Variants in CHUK observed in about 807,000 individuals in gnomAD.
CHUK encodes component of inhibitor of nuclear factor kappa B kinase complex.
In CHUK, 35 loss-of-function variants were observed where a neutral mutation model predicts 104.8. The ratio of observed to expected loss-of-function variants is 0.33; its 90% CI spans 0.26 to 0.44. CHUK has a LOEUF of 0.44. Ranked by LOEUF, CHUK falls within the 20% of genes least tolerant of loss-of-function variation. The pLI is 1.00. For missense variants in CHUK, 663 were observed against 902.7 expected (o/e 0.73, Z 3.40); for synonymous variants, 276 against 291.9 (o/e 0.95, Z 0.56).
Position 100,193,435 on chromosome 10 carries a change from A to G in CHUK, c.1975-4T>C, listed in dbSNP as rs200249894. 2.1e-5 allele frequency: 34 copies of G among 1,613,956 alleles called. No individual in the cohort carries two copies. Among genetic ancestry groups the G allele is most frequent in the Non-Finnish European group, 2.9e-5 (34 of 1,179,964 alleles). On this transcript the variant is annotated splice_region_variant and splice_polypyrimidine_tract_variant and intron_variant, in intron 18 of 20. Coordinates refer to ENST00000370397, the MANE Select transcript of CHUK (RefSeq NM_001278.5). ...GGGACCGGGCAGAACTCTGTGTCTGAAGGAAAAGAAAAAAACATCAAAAGA... is the reference window on the plus strand; with the variant it reads ...GGGACCGGGCAGAACTCTGTGTCTGGAGGAAAAGAAAAAAACATCAAAAGA...
intron 9 of CHUK, among the ~76,000 whole-genome samples, chr10:100,210,085 TTATTTA>T (rs1445132169): frequency 7.8e-5 from 10 of 128,604 alleles, no homozygotes; most frequent in African/African-American, 3.1e-4. Flanking sequence ...ATTTATTTAT[TTATTTA>T]TTTTTTTTTT....
intron 1 of CHUK, among the ~76,000 whole-genome samples, chr10:100,228,993 GCACACACACACA>G (rs59218517): frequency 1.9e-4 from 25 of 133,554 alleles, no homozygotes; most frequent in South Asian, 4.9e-4. Flanking sequence ...GCGCGCGCGC[GCACACACACACA>G]CACACACACA....
At chr10:100,226,057 T>G (rs1846098771) in intron 1 of CHUK, 40 bp from the exon 2 acceptor site, 2 of 1,196,584 alleles carry the variant, frequency 1.7e-6, no homozygotes, top group South Asian at 1.2e-5. Flanking sequence ...AAAATTAGGT[T>G]CTTGTGAAGA....
chr10:100,196,260 T>C (rs983828362), intron 16 of CHUK, among the ~76,000 whole-genome samples: 5 of 152,196 alleles, frequency 3.3e-5, no homozygotes, highest in African/African-American at 1.2e-4. Flanking sequence ...ATCCTAACCT[T>C]GGATTAATCC....
chr10:100,198,039 C>T (rs1845377603), intron 16 of CHUK, among the ~76,000 whole-genome samples: 1 of 152,136 alleles, frequency 6.6e-6, no homozygotes, highest in Admixed American at 6.5e-5. Context: ...ATTCTTTTTG[C>T]TTGAAACATG....
At position 100,190,904 on chromosome 10, in the gene CHUK, G is replaced by T; in HGVS notation, c.2173C>A (p.His725Asn). ...TTGCCCTGTTCCTCATTTGCCTCAT[G>T]AATAATAGTGCTTAAATGGCCAAGG... ...NCLGHLSTII[H>N]EANEEQGNSM... Residue 725 changes from histidine to asparagine, a missense_variant, in exon 20 of 21, where the codon CAT becomes AAT. His to Asn is a moderately conservative substitution (Grantham distance 68, BLOSUM62 1). This residue lies in a region of CHUK where 311 missense variants were observed against 393.4 expected (regional missense o/e 0.79). Coordinates refer to ENST00000370397, the MANE Select transcript of CHUK (RefSeq NM_001278.5). The T allele has an allele frequency of 6.2e-7, 1 of 1,611,720 alleles. No homozygotes were observed. The highest frequency in any genetic ancestry group is 1.1e-5 in the South Asian group (1 of 91,036).
chr10:100,229,208 C>T (rs1189020754), intron 1 of CHUK, among the ~76,000 whole-genome samples: 1 of 152,146 alleles, frequency 6.6e-6, no homozygotes, highest in Admixed American at 6.5e-5. Flanking sequence ...ACCCAAGTTC[C>T]CCGCAACAGC....
chr10:100,214,276 A>G (rs1053837029), intron 9 of CHUK, among the ~76,000 whole-genome samples: 4 of 152,178 alleles, frequency 2.6e-5, no homozygotes, highest in African/African-American at 9.7e-5. Flanking sequence ...CTATTGGTAC[A>G]TACTATTAAG....
intron 1 of CHUK, 97 bp downstream of exon 1, chr10:100,229,331 C>T: frequency 2.2e-6 from 2 of 910,286 alleles, no homozygotes; most frequent in Admixed American, 3.8e-5. Context: ...AAGGTCCCAC[C>T]AACCATCTAT....
Position 100,205,196 on chromosome 10 carries a change from T to G in CHUK, c.1235A>C (p.Gln412Pro). Residue 412 changes from glutamine (Q) to proline (P), a missense_variant, in exon 12 of 21, where the codon CAG becomes CCG. Physicochemically the swap from Gln to Pro is moderately conservative, Grantham distance 76. This residue lies in a region of CHUK where 15 missense variants were observed against 41.3 expected (regional missense o/e 0.36). Coordinates refer to ENST00000370397, the MANE Select transcript of CHUK (RefSeq NM_001278.5). ...AATTGGAAGCTGTATTTTGCTGTCCTGTACTATATACAAGAAGATGAGAAA... is the reference window on the plus strand; with the variant it reads ...AATTGGAAGCTGTATTTTGCTGTCCGGTACTATATACAAGAAGATGAGAAA... ...SLSDCVNYIV[Q>P]DSKIQLPIIQ... The G allele has an allele frequency of 1.2e-6, 2 of 1,614,080 alleles. No individual in the cohort carries two copies. Among genetic ancestry groups the G allele is most frequent in the Non-Finnish European group, 1.7e-6 (2 of 1,179,908 alleles).
At chr10:100,202,405 T>C (rs1845490775) in intron 13 of CHUK, among the ~76,000 whole-genome samples, 1 of 152,214 alleles carries the variant, frequency 6.6e-6, no homozygotes, top group African/African-American at 2.4e-5. Flanking sequence ...ACCAGTGTAC[T>C]TAGAAGAGAC....
chr10:100,222,102 T>G lies in CHUK; in HGVS notation c.385+10A>C, dbSNP rs371192976. On this transcript the variant is annotated intron_variant, in intron 4 of 20. Coordinates refer to ENST00000370397, the MANE Select transcript of CHUK (RefSeq NM_001278.5). The stretch of plus-strand genomic sequence containing the variant: ...TTACATTACAATGGTATTTTAATAC[T>G]GATACGTACCTATATCACTTAGTAA... 1.3e-5 allele frequency: 18 copies of G among 1,393,978 alleles called. No homozygotes were observed. The highest frequency in any genetic ancestry group is 1.8e-5 in the Non-Finnish European group (18 of 980,704). The allele number at this position is 1,393,978 out of a possible 1,614,324, so 86.4% of individuals were successfully genotyped here.
chr10:100,209,466 T>C, intron 10 of CHUK, 129 bp downstream of exon 10: 1 of 686,272 alleles, frequency 1.5e-6, no homozygotes, highest in Non-Finnish European at 2.6e-6. Context: ...TGATAAGAGT[T>C]GGGAGAAGGA....
At chr10:100,222,307 G>A in intron 3 of CHUK, 126 bp from the exon 4 acceptor site, 1 of 644,754 alleles carries the variant, frequency 1.6e-6, no homozygotes, top group Admixed American at 2.4e-5. Context: ...AAAATACAAG[G>A]GAATAAAATT....
intron 9 of CHUK, among the ~76,000 whole-genome samples, chr10:100,215,572 T>A (rs1322188614): frequency 6.6e-6 from 1 of 152,188 alleles, no homozygotes; most frequent in Non-Finnish European, 1.5e-5. Context: ...TTATTTTTAG[T>A]GGTAGGTTCA....
At chr10:100,213,375 G>A (rs541302802) in intron 9 of CHUK, among the ~76,000 whole-genome samples, 2 of 151,942 alleles carry the variant, frequency 1.3e-5, no homozygotes, top group South Asian at 2.1e-4. Flanking sequence ...TTCCAACTAC[G>A]CGGGAGGCTG....
chr10:100,205,293 C>T, intron 11 of CHUK, 94 bp from the exon 12 acceptor site: 10 of 1,292,016 alleles, frequency 7.7e-6, no homozygotes, highest in Non-Finnish European at 1.0e-5. Flanking sequence ...TTCCTGTCCA[C>T]ACAAACAGGA....
At position 100,201,955 on chromosome 10, in the gene CHUK, A is replaced by G. The variant is rs1589582132; in HGVS notation, c.1569+133T>C. 6.8e-6 allele frequency: 5 copies of G among 739,146 alleles called. No homozygotes were observed. The East Asian group carries it at 1.3e-4, about 19-fold the overall frequency. The allele number at this position is 739,146 out of a possible 1,614,324, so 45.8% of individuals were successfully genotyped here. A position where few individuals can be genotyped will look rare whatever the true frequency, so the allele number is the denominator to read the frequency against. Reference sequence around the variant, plus strand: ...TATGATACATCCCTCTTTATATACAAAGCATCTACTAGAATTTTGTCTGAA... The same window carrying G: ...TATGATACATCCCTCTTTATATACAGAGCATCTACTAGAATTTTGTCTGAA... On this transcript the variant is annotated intron_variant, in intron 14 of 20. Coordinates refer to ENST00000370397, the MANE Select transcript of CHUK (RefSeq NM_001278.5).
intron 14 of CHUK, 30 bp from the exon 15 acceptor site, chr10:100,200,810 G>A (rs1366408433): frequency 1.6e-6 from 2 of 1,231,962 alleles, no homozygotes; most frequent in South Asian, 1.2e-5. Context: ...CAAAGGAAAT[G>A]AAAGGCTTAC....
Sources: allele counts gnomAD v4.1 joint callset (sites outside exome capture counted in the v4.1 genomes callset), GRCh38; gene constraint gnomAD v4.1.1; regional missense constraint gnomAD v4.1.1; transcripts MANE v1.5; gene names NCBI Gene and HGNC (gene_info 2026-07-23, HGNC 2026-07-21).